Variants in TBC1D1 observed in about 807,000 individuals in gnomAD.
The protein encoded by TBC1D1 is TBC1 (tre-2/USP6, BUB2, cdc16) domain family, member 1.
Under a neutral mutation model 125.6 loss-of-function variants are expected in TBC1D1, and 89 were observed. That is an observed-to-expected ratio of 0.71 (90% CI 0.60 to 0.85). TBC1D1 has a LOEUF of 0.85. TBC1D1 is among the 40% of genes least tolerant of loss of function. The pLI, the probability that TBC1D1 is intolerant of heterozygous loss-of-function variation, is 0.00. For missense variants in TBC1D1, 1,377 were observed against 1,469.2 expected (o/e 0.94, Z 1.03); for synonymous variants, 565 against 564.1 (o/e 1.00, Z -0.02).
intron 2 of TBC1D1, among the ~76,000 whole-genome samples, chr4:37,934,696 G>A (rs59758279): frequency 2.2e-4 from 33 of 152,226 alleles, no homozygotes; most frequent in African/African-American, 7.5e-4. Context: ...AGTGTAGGAG[G>A]GGCTTTCTTT....
At chr4:37,970,233 T>C (rs1286033579) in intron 2 of TBC1D1, among the ~76,000 whole-genome samples, 1 of 152,248 alleles carries the variant, frequency 6.6e-6, no homozygotes, top group Non-Finnish European at 1.5e-5. Flanking sequence ...TGGGCATATA[T>C]GTTTTCAATT....
chr4:37,947,319 G>C (rs1726912358), intron 2 of TBC1D1, among the ~76,000 whole-genome samples: 1 of 152,046 alleles, frequency 6.6e-6, no homozygotes, highest in South Asian at 2.1e-4. Context: ...ACCATGCCAG[G>C]CTAATTTTTG....
At chr4:38,115,638 A>G (rs1411886891) in intron 15 of TBC1D1, 72 bp from the exon 18 acceptor site, 1 of 1,519,044 alleles carries the variant, frequency 6.6e-7, no homozygotes, top group Non-Finnish European at 8.9e-7. Flanking sequence ...TCTGAAGCAC[A>G]TTGGATTTCT....
chr4:38,126,375 T>G (rs1420494504), intron 18 of TBC1D1, among the ~76,000 whole-genome samples: 1 of 152,250 alleles, frequency 6.6e-6, no homozygotes, highest in Non-Finnish European at 1.5e-5. Context: ...TGAAAAATCC[T>G]TACTCTGGAG....
intron 1 of TBC1D1, among the ~76,000 whole-genome samples, chr4:37,893,624 G>C (rs1174774267): frequency 1.3e-5 from 2 of 152,008 alleles, no homozygotes; most frequent in African/African-American, 4.8e-5. Context: ...TTCGAGACCA[G>C]CCTGGCCAGC....
intron 7 of TBC1D1, among the ~76,000 whole-genome samples, chr4:38,031,359 CTT>C (rs771772705): frequency 7.2e-5 from 11 of 152,172 alleles, no homozygotes; most frequent in Non-Finnish European, 1.2e-4. Context: ...AGAAGAGACT[CTT>C]TTTACTTTCT....
At chr4:38,077,838 G>C (rs1231148007) in intron 12 of TBC1D1, among the ~76,000 whole-genome samples, 1 of 152,124 alleles carries the variant, frequency 6.6e-6, no homozygotes, top group East Asian at 1.9e-4. Flanking sequence ...GGACTCGGAA[G>C]CACATGTTAT....
At chr4:37,953,164 C>T (rs1027400530) in intron 2 of TBC1D1, among the ~76,000 whole-genome samples, 3 of 152,112 alleles carry the variant, frequency 2.0e-5, no homozygotes, top group African/African-American at 7.2e-5. Context: ...AGCATGAATG[C>T]TAAATTTTGG....
At chr4:38,045,016 C>T (rs1002527264) in intron 9 of TBC1D1, among the ~76,000 whole-genome samples, 3 of 152,220 alleles carry the variant, frequency 2.0e-5, no homozygotes, top group Non-Finnish European at 2.9e-5. Context: ...TCAGCAGTTG[C>T]CACAAACACT....
chr4:37,925,054 C>G (rs17425152), intron 2 of TBC1D1, among the ~76,000 whole-genome samples: 18,843 of 152,242 alleles, frequency 0.12, 1,233 homozygotes, highest in Admixed American at 0.19. Flanking sequence ...CTGTGCTATG[C>G]TCTTGCTGCT....
At chr4:37,915,144 CATGAATGA>C (rs375450488) in intron 2 of TBC1D1, among the ~76,000 whole-genome samples, 1 of 152,318 alleles carries the variant, frequency 6.6e-6, no homozygotes, top group Admixed American at 6.5e-5. Context: ...GTAGATACTT[CATGAATGA>C]ATGAATGAAT....
intron 2 of TBC1D1, chr4:37,996,152 C>T: frequency 4.6e-6 from 2 of 434,982 alleles, no homozygotes; most frequent in South Asian, 1.7e-5. Context: ...TGCCTGAAGA[C>T]ATGTACCTGG....
rs1470241079 is a variant in TBC1D1 at position 38,054,336 on chromosome 4, A to G, written c.2048A>G (p.Glu683Gly). The change falls in exon 12 of 20, where the codon GAA becomes GGA. Residue 683 changes from glutamate to glycine, a missense_variant and splice_region_variant. Coordinates refer to ENST00000261439, the MANE Select transcript of TBC1D1 (RefSeq NM_015173.4). ...GCGTGCGATTCTTCCAGCAGATATG[A>G]AGGTAAGGCCGGTACCTGAAATGAA... 64 of 1,614,070 alleles carry G rather than the reference A, an allele frequency of 4.0e-5. No individual in the cohort carries two copies. Among genetic ancestry groups the G allele is most frequent in the Non-Finnish European group, 5.3e-5 (63 of 1,179,988 alleles).
chr4:38,110,551 T>C, intron 15 of TBC1D1: 1 of 985,454 alleles, frequency 1.0e-6, no homozygotes, highest in African/African-American at 1.7e-5. Context: ...GTGGATCATC[T>C]TGTAGGCCTT....
At chr4:37,991,800 G>A (rs1287024389) in intron 2 of TBC1D1, among the ~76,000 whole-genome samples, 1 of 152,174 alleles carries the variant, frequency 6.6e-6, no homozygotes, top group East Asian at 1.9e-4. Flanking sequence ...TCTGTGACCA[G>A]ATGCCAGCCA....
chr4:37,921,105 G>A (rs1720863386), intron 2 of TBC1D1, among the ~76,000 whole-genome samples: 2 of 84,872 alleles, frequency 2.4e-5, no homozygotes, highest in East Asian at 4.4e-4. Context: ...GCGAGACTCC[G>A]TCTCAAAAAA....
At chr4:37,900,351 G>A (rs1245587207) in intron 1 of TBC1D1, among the ~76,000 whole-genome samples, 1 of 151,842 alleles carries the variant, frequency 6.6e-6, no homozygotes, top group African/African-American at 2.4e-5. Context: ...CCTTACCTTG[G>A]AGGGAAGGAA....
chr4:37,969,497 C>T (rs1445206311), intron 2 of TBC1D1, among the ~76,000 whole-genome samples: 1 of 152,200 alleles, frequency 6.6e-6, no homozygotes, highest in Admixed American at 6.5e-5. Flanking sequence ...CATCCACTAC[C>T]ACCATGCCTG....
At chr4:37,944,152 T>C (rs1726160928) in intron 2 of TBC1D1, among the ~76,000 whole-genome samples, 1 of 152,196 alleles carries the variant, frequency 6.6e-6, no homozygotes, top group Non-Finnish European at 1.5e-5. Context: ...GAACAGCGAA[T>C]ATTGCTAAAC....
Sources: gnomAD v4.1 joint callset for allele counts (sites outside exome capture counted in the v4.1 genomes callset) on GRCh38, gnomAD v4.1.1 for gene constraint, MANE v1.5 for transcripts, NCBI Gene and HGNC (gene_info 2026-07-23, HGNC 2026-07-21) for gene names.